PRMT8: variants seen among roughly 807,000 people sequenced by gnomAD.
PRMT8 encodes the protein protein arginine N-methyltransferase 8.
In PRMT8, 7 loss-of-function variants were observed where a neutral mutation model predicts 47.1. That is an observed-to-expected ratio of 0.15 (90% CI 0.08 to 0.28). PRMT8 has a LOEUF of 0.28. Among genes scored for constraint, PRMT8 ranks in the 10% least tolerant of loss-of-function variants. The pLI, the probability that PRMT8 is intolerant of heterozygous loss-of-function variation, is 1.00. For missense variants in PRMT8, 237 were observed against 505.4 expected, an observed-to-expected ratio of 0.47 and a Z score of 5.09; for synonymous variants, 188 against 186.5, an observed-to-expected ratio of 1.01 and a Z score of -0.07.
In PRMT8 at chr12:3,569,188, G is replaced by A. The variant is rs534790572; in HGVS notation, c.625-289G>A. ...AGAGCCAGGTGTGCTATTCATCTGG[G>A]CTTCTCCAGGCCAAAGTCGTAACAT... On this transcript the variant is annotated intron_variant, in intron 5 of 9. Transcript: ENST00000382622. This position sits in a 1 kb window ranked among gnomAD's most constrained non-coding sequence, Gnocchi z 8.2. Among the ~76,000 whole-genome samples the A allele has an allele frequency of 1.3e-5, 2 of 152,312 alleles. No individual in the cohort carries two copies. The highest frequency in any genetic ancestry group is 3.9e-4 in the East Asian group (2 of 5,188).
intron 1 of PRMT8, among the ~76,000 whole-genome samples, chr12:3,526,585 A>G (rs1265833325): frequency 6.6e-6 from 1 of 152,152 alleles, no homozygotes; most frequent in African/African-American, 2.4e-5. Flanking sequence ...GTGGTATCTC[A>G]TTGAAGTTTG....
At chr12:3,438,909 T>A (rs1193685716) in intron 1 of PRMT8, among the ~76,000 whole-genome samples, 1 of 152,264 alleles carries the variant, frequency 6.6e-6, no homozygotes, top group Non-Finnish European at 1.5e-5. Flanking sequence ...TTATTTTTTC[T>A]TTCCTTTTTT....
intron 1 of PRMT8, among the ~76,000 whole-genome samples, chr12:3,440,011 A>G (rs1215015372): frequency 1.3e-5 from 2 of 152,180 alleles, no homozygotes; most frequent in Non-Finnish European, 2.9e-5. Context: ...ATCTTTAATT[A>G]CGGGAACTGG....
chr12:3,443,462 A>G (rs1192681230), intron 1 of PRMT8, among the ~76,000 whole-genome samples: 1 of 152,024 alleles, frequency 6.6e-6, no homozygotes, highest in African/African-American at 2.4e-5. Context: ...TGTCTAACTC[A>G]CATCCAATTC....
rs569116520 is a variant in PRMT8 at position 3,593,202 on chromosome 12, A to G, written c.*20A>G. Reference sequence around the variant, plus strand: ...CGTTAGCACACGTGGGAAGCTGCAGAGAGCAACGAGAAAAGGAACTCTCAC... The same window carrying G: ...CGTTAGCACACGTGGGAAGCTGCAGGGAGCAACGAGAAAAGGAACTCTCAC... On this transcript the variant is annotated 3_prime_UTR_variant, in exon 10 of 10. Transcript: ENST00000382622. This position sits in a 1 kb window ranked among gnomAD's most constrained non-coding sequence, Gnocchi z 4.8. 4 of 1,599,732 alleles carry G rather than the reference A, an allele frequency of 2.5e-6. No homozygotes were observed. The East Asian group carries it at 8.9e-5, about 36-fold the overall frequency.
chr12:3,445,535 T>G (rs2137076542), intron 1 of PRMT8, among the ~76,000 whole-genome samples: 1 of 152,220 alleles, frequency 6.6e-6, no homozygotes. Context: ...CTACTGCAGC[T>G]ATGGTGTTTC....
intron 1 of PRMT8, among the ~76,000 whole-genome samples, chr12:3,423,148 A>G (rs1719219170): frequency 6.6e-6 from 1 of 152,232 alleles, no homozygotes; most frequent in South Asian, 2.1e-4. Context: ...GCACAGGCAC[A>G]TGTGCCAATT....
chr12:3,542,882 G>A (rs1017682571), intron 2 of PRMT8, among the ~76,000 whole-genome samples: 15 of 152,228 alleles, frequency 9.9e-5, no homozygotes, highest in African/African-American at 3.6e-4. Context: ...GAGAGCAAAG[G>A]CTTGTTGACA....
At chr12:3,527,936 T>C (rs927542847) in intron 1 of PRMT8, among the ~76,000 whole-genome samples, 23 of 152,186 alleles carry the variant, frequency 1.5e-4, no homozygotes, top group African/African-American at 4.6e-4. Flanking sequence ...GACAGTTTTT[T>C]CTTTTATCTT....
At chr12:3,439,311 G>A (rs948307680) in intron 1 of PRMT8, among the ~76,000 whole-genome samples, 24 of 152,088 alleles carry the variant, frequency 1.6e-4, no homozygotes, top group African/African-American at 5.6e-4. Flanking sequence ...TTGCACAGAT[G>A]ACACTATTCT....
intron 1 of PRMT8, among the ~76,000 whole-genome samples, chr12:3,432,365 G>A (rs1233526820): frequency 3.3e-5 from 5 of 152,262 alleles, no homozygotes; most frequent in African/African-American, 9.6e-5. Context: ...TGACTGCAGA[G>A]TAAGACACAC....
Position 3,557,313 on chromosome 12 carries a change from G to C in PRMT8, c.481+3599G>C, listed in dbSNP as rs750699987. ...TTGCTGGGAGCATGCAGCAGAGGGA[G>C]GGGGAGCTGGAAGTTGATGACAGTG... On this transcript the variant is annotated intron_variant, in intron 4 of 9. Transcript: ENST00000382622. The surrounding 1 kb of genome is among the most constrained non-coding windows in gnomAD (Gnocchi z 4.7). Among the ~76,000 whole-genome samples, 17 of 152,168 alleles carry C rather than the reference G, an allele frequency of 1.1e-4. No individual in the cohort carries two copies. Among genetic ancestry groups the C allele is most frequent in the Admixed American group, 5.2e-4 (8 of 15,284 alleles).
At chr12:3,491,857 T>C (rs1865412110) in intron 1 of PRMT8, among the ~76,000 whole-genome samples, 157 bp downstream of exon 1, 1 of 100,438 alleles carries the variant, frequency 1.0e-5, no homozygotes, top group Non-Finnish European at 2.1e-5. Context: ...TGTGTGTGTG[T>C]GTGTGTGTGT....
chr12:3,433,486 A>G (rs1400435868), intron 1 of PRMT8, among the ~76,000 whole-genome samples: 2 of 152,252 alleles, frequency 1.3e-5, no homozygotes, highest in Non-Finnish European at 2.9e-5. Context: ...CTCATTTTAT[A>G]TATCAGGAAT....
At chr12:3,433,022 A>T (rs1476154686) in intron 1 of PRMT8, among the ~76,000 whole-genome samples, 1 of 152,170 alleles carries the variant, frequency 6.6e-6, no homozygotes, top group African/African-American at 2.4e-5. Flanking sequence ...CTTCACAGGA[A>T]ATGCCATACT....
intron 1 of PRMT8, among the ~76,000 whole-genome samples, chr12:3,425,588 A>G (rs149787618): frequency 1.8e-4 from 27 of 152,344 alleles, no homozygotes; most frequent in African/African-American, 6.3e-4. Flanking sequence ...GATGTAGTTT[A>G]TTTAGTTTAC....
At chr12:3,381,383 G>A in exon 1 of PRMT8, 1 of 1,536,050 alleles carries the variant, frequency 6.5e-7, no homozygotes. Flanking sequence ...GTTTGAATGT[G>A]TGCCAGGTTG....
chr12:3,505,412 A>T (rs1865606732), intron 1 of PRMT8, among the ~76,000 whole-genome samples: 1 of 152,144 alleles, frequency 6.6e-6, no homozygotes, highest in South Asian at 2.1e-4. Context: ...TCTCTCCCTT[A>T]TCTCTTTCCT....
In PRMT8 at chr12:3,528,517, C is replaced by T. The variant is rs538397543; in HGVS notation, c.76-12089C>T. On this transcript the variant is annotated intron_variant, in intron 1 of 9. Transcript: ENST00000382622. ...TCAATTTCGGTCGTTTAAATATCTT[C>T]CATATCTCTACTTAACATGCTCAAT... Among the ~76,000 whole-genome samples the T allele has an allele frequency of 5.3e-5, 8 of 152,146 alleles. No individual in the cohort carries two copies. The South Asian group carries it at 1.5e-3, about 28-fold the overall frequency.
Sources: gnomAD v4.1 joint callset for allele counts (sites outside exome capture counted in the v4.1 genomes callset) on GRCh38, gnomAD v4.1.1 for gene constraint, Gnocchi (gnomAD v3.1) non-coding constraint, MANE v1.5 for transcripts, NCBI Gene and HGNC (gene_info 2026-07-23, HGNC 2026-07-21) for gene names.